The following COL25A1 variants were observed in gnomAD, a reference collection of about 807,000 sequenced individuals.
The protein encoded by COL25A1 is collagen alpha-1(XXV) chain.
A neutral mutation model predicts 128.4 loss-of-function variants in COL25A1; 103 were observed. The ratio of observed to expected loss-of-function variants is 0.80; its 90% confidence interval spans 0.68 to 0.94. COL25A1 has a LOEUF of 0.94. Among genes scored for constraint, COL25A1 ranks in the 40% least tolerant of loss-of-function variants. The pLI, the probability that COL25A1 is intolerant of heterozygous loss-of-function variation, is 0.00. For missense variants in COL25A1, 745 were observed against 840.0 expected, an observed-to-expected ratio of 0.89 and a Z score of 1.40; for synonymous variants, 279 against 277.2, an observed-to-expected ratio of 1.01 and a Z score of -0.06.
intron 5 of COL25A1, among the ~76,000 whole-genome samples, chr4:109,016,163 C>G (rs1757195833): frequency 6.6e-6 from 1 of 152,250 alleles, no homozygotes. Context: ...TCTCCGGCCT[C>G]TCCCTACTCC....
chr4:109,164,565 A>C (rs1772891440), intron 3 of COL25A1, among the ~76,000 whole-genome samples: 1 of 152,162 alleles, frequency 6.6e-6, no homozygotes, highest in Admixed American at 6.5e-5. Context: ...GGTTACTCCA[A>C]CTAGTGCAAG....
intron 3 of COL25A1, among the ~76,000 whole-genome samples, chr4:109,246,078 G>A (rs960259786): frequency 7.0e-6 from 1 of 142,106 alleles, no homozygotes; most frequent in African/African-American, 2.7e-5. Flanking sequence ...AACATTAACA[G>A]CAATAAGGGT....
intron 32 of COL25A1, among the ~76,000 whole-genome samples, chr4:108,828,715 T>G (rs2125722140): frequency 6.6e-6 from 1 of 152,348 alleles, no homozygotes; most frequent in African/African-American, 2.4e-5. Flanking sequence ...GTAGGAAAAC[T>G]TCAGGAGTAA....
intron 3 of COL25A1, among the ~76,000 whole-genome samples, chr4:109,093,269 T>C (rs1489298090): frequency 6.6e-6 from 1 of 152,116 alleles, no homozygotes; most frequent in African/African-American, 2.4e-5. Flanking sequence ...CTAACCCTTT[T>C]GTAGATTGCA....
intron 6 of COL25A1, among the ~76,000 whole-genome samples, chr4:109,008,603 T>C (rs2126041842): frequency 6.6e-6 from 1 of 152,270 alleles, no homozygotes; most frequent in South Asian, 2.1e-4. Flanking sequence ...TCTTTTATCA[T>C]CTGCTGTCTC....
intron 13 of COL25A1, among the ~76,000 whole-genome samples, chr4:108,911,352 G>A (rs1219097465): frequency 6.6e-6 from 1 of 152,184 alleles, no homozygotes; most frequent in East Asian, 1.9e-4. Flanking sequence ...CTCCGATTCA[G>A]GGAAGTGCTC....
chr4:109,085,787 C>T (rs1285910967), intron 3 of COL25A1, among the ~76,000 whole-genome samples: 1 of 152,154 alleles, frequency 6.6e-6, no homozygotes, highest in Non-Finnish European at 1.5e-5. Flanking sequence ...GTTATCTTTA[C>T]ACTGCTAGCA....
intron 20 of COL25A1, among the ~76,000 whole-genome samples, chr4:108,867,875 T>C (rs539364718): frequency 8.5e-5 from 13 of 152,302 alleles, no homozygotes; most frequent in African/African-American, 2.2e-4. Flanking sequence ...ACTGTATTCA[T>C]AGCAGCATAT....
At chr4:108,939,440 G>A (rs1747815268) in intron 10 of COL25A1, among the ~76,000 whole-genome samples, 1 of 152,076 alleles carries the variant, frequency 6.6e-6, no homozygotes, top group Non-Finnish European at 1.5e-5. Flanking sequence ...GGGCTTATGA[G>A]GCTGTCTCAG....
At chr4:109,122,595 T>C (rs1409205947) in intron 3 of COL25A1, among the ~76,000 whole-genome samples, 1 of 152,088 alleles carries the variant, frequency 6.6e-6, no homozygotes, top group African/African-American at 2.4e-5. Context: ...ATTACTTATA[T>C]GTTGTAACAT....
At chr4:108,941,479 A>G in intron 8 of COL25A1, 42 bp from the exon 9 acceptor site, 1 of 1,415,140 alleles carries the variant, frequency 7.1e-7, no homozygotes, top group Non-Finnish European at 1.0e-6. Context: ...TTCAGAGATG[A>G]GAGAGTTGAA....
At chr4:109,077,082 C>T (rs944477920) in intron 3 of COL25A1, among the ~76,000 whole-genome samples, 2 of 152,148 alleles carry the variant, frequency 1.3e-5, no homozygotes, top group African/African-American at 4.8e-5. Context: ...ATTGCTCTTG[C>T]TGTGTTTAAA....
chr4:109,083,854 CAAAA>C (rs1764112779), intron 3 of COL25A1, among the ~76,000 whole-genome samples: 1 of 151,908 alleles, frequency 6.6e-6, no homozygotes, highest in African/African-American at 2.4e-5. Context: ...AGTAAGAGAA[CAAAA>C]AAGGAATAGC....
intron 19 of COL25A1, among the ~76,000 whole-genome samples, chr4:108,882,656 T>C (rs1252535069): frequency 6.6e-6 from 1 of 152,202 alleles, no homozygotes; most frequent in Non-Finnish European, 1.5e-5. Context: ...ATTTGTGAAG[T>C]TATTTTTGCT....
intron 24 of COL25A1, among the ~76,000 whole-genome samples, chr4:108,854,999 A>C (rs1736306452): frequency 6.6e-6 from 1 of 152,176 alleles, no homozygotes; most frequent in Non-Finnish European, 1.5e-5. Flanking sequence ...TTTCTGGTCT[A>C]GGTTCTGTGC....
intron 3 of COL25A1, among the ~76,000 whole-genome samples, chr4:109,267,043 T>G (rs1781843926): frequency 6.6e-6 from 1 of 152,140 alleles, no homozygotes; most frequent in African/African-American, 2.4e-5. Context: ...TTTACTGGTG[T>G]GCATTTTTTT....
intron 3 of COL25A1, among the ~76,000 whole-genome samples, chr4:109,250,775 A>G (rs1780592358): frequency 6.6e-6 from 1 of 152,234 alleles, no homozygotes; most frequent in African/African-American, 2.4e-5. Context: ...ACACACCCAG[A>G]ATAATATTTA....
intron 3 of COL25A1, among the ~76,000 whole-genome samples, chr4:109,261,529 A>G (rs1457471873): frequency 1.3e-5 from 2 of 152,104 alleles, no homozygotes; most frequent in African/African-American, 4.8e-5. Context: ...TTCTGTCTCT[A>G]AAATAAATAA....
At chr4:109,269,688 G>A (rs1167805134) in intron 3 of COL25A1, among the ~76,000 whole-genome samples, 17 of 152,026 alleles carry the variant, frequency 1.1e-4, no homozygotes, top group Non-Finnish European at 2.1e-4. Context: ...GGCCAGTGAC[G>A]GTGAACATTT....
Sources: gnomAD v4.1 joint callset for allele counts (sites outside exome capture counted in the v4.1 genomes callset) on GRCh38, gnomAD v4.1.1 for gene constraint, MANE v1.5 for transcripts, NCBI Gene and HGNC (gene_info 2026-07-23, HGNC 2026-07-21) for gene names.